SCN8A: variants seen among roughly 807,000 people sequenced by gnomAD.
The protein encoded by SCN8A is sodium channel protein type 8 subunit alpha.
SCN8A carries 30 observed loss-of-function variants against 184.1 expected under a neutral mutation model. The observed-to-expected ratio is 0.16, with a 90% CI of 0.12 to 0.22. The LOEUF (loss-of-function observed/expected upper bound fraction) is 0.22, where lower values mean the gene tolerates loss of function less well. SCN8A is among the 10% of genes least tolerant of loss of function. SCN8A has a pLI of 1.00. For synonymous variants in SCN8A, 852 were observed against 907.0 expected (o/e 0.94, Z 1.09); for missense variants, 1,057 against 2,498.9 (o/e 0.42, Z 12.30).
chr12:51,713,460 A>G (rs1394860718), intron 11 of SCN8A: 1 of 774,542 alleles, frequency 1.3e-6, no homozygotes, highest in Non-Finnish European at 2.3e-6. Context: ...CTCTTAAACT[A>G]TCATCTGTAG....
At chr12:51,790,829 C>T (rs1938230011) in intron 25 of SCN8A, among the ~76,000 whole-genome samples, 1 of 152,144 alleles carries the variant, frequency 6.6e-6, no homozygotes, top group Non-Finnish European at 1.5e-5. Context: ...AATAAAGTTG[C>T]TCTCTTTCCT....
At chr12:51,634,380 G>C (rs1475395729) in intron 1 of SCN8A, among the ~76,000 whole-genome samples, 2 of 152,046 alleles carry the variant, frequency 1.3e-5, no homozygotes, top group African/African-American at 2.4e-5. Context: ...AATTATACAG[G>C]GGCGTCCATT....
chr12:51,752,521 A>G (rs1231827396), intron 14 of SCN8A, among the ~76,000 whole-genome samples: 1 of 152,196 alleles, frequency 6.6e-6, no homozygotes, highest in Non-Finnish European at 1.5e-5. Context: ...TTCTCAAAAC[A>G]CATGGCAAAG....
chr12:51,632,586 A>G (rs1025101218), intron 1 of SCN8A, among the ~76,000 whole-genome samples: 1 of 152,214 alleles, frequency 6.6e-6, no homozygotes, highest in Non-Finnish European at 1.5e-5. Flanking sequence ...GGGTCGTATC[A>G]TAACAGTTCT....
intron 1 of SCN8A, among the ~76,000 whole-genome samples, chr12:51,661,108 C>T (rs1188667956): frequency 6.6e-6 from 1 of 152,112 alleles, no homozygotes; most frequent in Non-Finnish European, 1.5e-5. Flanking sequence ...TGAGATGGGG[C>T]ACCAGAGCAT....
At chr12:51,611,492 T>C (rs1939720110) in intron 1 of SCN8A, among the ~76,000 whole-genome samples, 1 of 150,734 alleles carries the variant, frequency 6.6e-6, no homozygotes, top group South Asian at 2.1e-4. Context: ...CTAATATAAT[T>C]TGTTTGTTTG....
intron 1 of SCN8A, among the ~76,000 whole-genome samples, chr12:51,650,769 G>A (rs896158538): frequency 6.6e-5 from 10 of 152,140 alleles, no homozygotes; most frequent in African/African-American, 1.2e-4. Context: ...AGACCAGCTC[G>A]GTCGGGGAGA....
intron 12 of SCN8A, 196 bp downstream of exon 12, chr12:51,722,104 C>T (rs1942078864): frequency 2.5e-6 from 2 of 814,910 alleles, no homozygotes; most frequent in Non-Finnish European, 3.8e-6. Flanking sequence ...CTATTTCTCT[C>T]TTCAGTTTTC....
chr12:51,623,255 C>T (rs80210237), intron 1 of SCN8A, among the ~76,000 whole-genome samples: 5,640 of 152,248 alleles, frequency 0.037, 345 homozygotes, highest in African/African-American at 0.13. Flanking sequence ...AGTATGTATG[C>T]TAACCCATGT....
At chr12:51,727,669 A>G (rs1341589574) in intron 12 of SCN8A, among the ~76,000 whole-genome samples, 1 of 152,174 alleles carries the variant, frequency 6.6e-6, no homozygotes, top group South Asian at 2.1e-4. Flanking sequence ...TCTTCCCTTC[A>G]GTTGTCTGAT....
At chr12:51,649,210 T>G (rs1940656380) in intron 1 of SCN8A, among the ~76,000 whole-genome samples, 1 of 152,190 alleles carries the variant, frequency 6.6e-6, no homozygotes, top group South Asian at 2.1e-4. Context: ...TGCTCCACCC[T>G]TGTGGTTTTG....
At chr12:51,723,364 C>A (rs1220763027) in intron 12 of SCN8A, among the ~76,000 whole-genome samples, 1 of 152,106 alleles carries the variant, frequency 6.6e-6, no homozygotes, top group Admixed American at 6.5e-5. Context: ...GTGGCATGTG[C>A]CTCTATAGTC....
chr12:51,608,171 C>T (rs1592325058), intron 1 of SCN8A, among the ~76,000 whole-genome samples: 1 of 152,096 alleles, frequency 6.6e-6, no homozygotes, highest in African/African-American at 2.4e-5. Context: ...CAGGCGCCCA[C>T]CACCGTGCCC....
At chr12:51,630,365 T>G (rs1446813213) in intron 1 of SCN8A, among the ~76,000 whole-genome samples, 1 of 152,096 alleles carries the variant, frequency 6.6e-6, no homozygotes, top group African/African-American at 2.4e-5. Flanking sequence ...TTACACAGTA[T>G]TTGTCTTTCT....
chr12:51,747,534 A>G (rs778956497), intron 13 of SCN8A, among the ~76,000 whole-genome samples: 1 of 152,184 alleles, frequency 6.6e-6, no homozygotes, highest in Non-Finnish European at 1.5e-5. Context: ...CAACAGGTGC[A>G]TTTTATTATT....
At chr12:51,614,033 A>T (rs984569254) in intron 1 of SCN8A, among the ~76,000 whole-genome samples, 5 of 152,258 alleles carry the variant, frequency 3.3e-5, no homozygotes, top group Admixed American at 2.6e-4. Flanking sequence ...GTTAGGTGGA[A>T]TGTTCTATGA....
At chr12:51,615,914 A>G (rs1042761608) in intron 1 of SCN8A, among the ~76,000 whole-genome samples, 4 of 151,846 alleles carry the variant, frequency 2.6e-5, no homozygotes, top group African/African-American at 7.3e-5. Context: ...TTTTTTTTGC[A>G]GAGATGAGGG....
intron 1 of SCN8A, among the ~76,000 whole-genome samples, chr12:51,658,235 T>C (rs1940860541): frequency 6.6e-6 from 1 of 152,292 alleles, no homozygotes; most frequent in East Asian, 1.9e-4. Flanking sequence ...TATTAATTCT[T>C]GCAGTTCATG....
At chr12:51,725,292 A>T (rs1942139408) in intron 12 of SCN8A, among the ~76,000 whole-genome samples, 1 of 152,260 alleles carries the variant, frequency 6.6e-6, no homozygotes. Flanking sequence ...AACAAGATGC[A>T]TATAGTTTGT....
Sources: allele counts gnomAD v4.1 joint callset (sites outside exome capture counted in the v4.1 genomes callset), GRCh38; gene constraint gnomAD v4.1.1; transcripts MANE v1.5; gene names NCBI Gene and HGNC (gene_info 2026-07-23, HGNC 2026-07-21).